NRG1: variants seen among roughly 807,000 people sequenced by gnomAD.
NRG1 encodes the protein neuregulin 1, also known as pro-neuregulin-1, membrane-bound isoform.
NRG1 carries 18 observed loss-of-function variants against 63.8 expected under a neutral mutation model. The observed-to-expected ratio is 0.28, with a 90% CI of 0.19 to 0.42. The LOEUF is 0.42. Ranked by LOEUF, NRG1 falls within the 10% of genes least tolerant of loss-of-function variation. The pLI is 1.00. For synonymous variants in NRG1, 302 were observed against 301.3 expected (o/e 1.00, Z -0.02); for missense variants, 762 against 814.7 (o/e 0.94, Z 0.79).
At chr8:32,342,165 C>G (rs1373456689) in intron 1 of NRG1, among the ~76,000 whole-genome samples, 2 of 152,032 alleles carry the variant, frequency 1.3e-5, no homozygotes, top group Non-Finnish European at 2.9e-5. Flanking sequence ...GTTAACTATC[C>G]AGAAACATGC....
At chr8:31,867,856 G>A (rs1829100041) in intron 1 of NRG1, among the ~76,000 whole-genome samples, 1 of 152,080 alleles carries the variant, frequency 6.6e-6, no homozygotes, top group African/African-American at 2.4e-5. Flanking sequence ...ATCTGTGTAT[G>A]TATTTTATAA....
At chr8:32,660,977 T>A (rs1180585168) in intron 5 of NRG1, among the ~76,000 whole-genome samples, 1 of 152,214 alleles carries the variant, frequency 6.6e-6, no homozygotes, top group East Asian at 1.9e-4. Flanking sequence ...TGCTACTATT[T>A]ATTTTGGTTT....
intron 1 of NRG1, among the ~76,000 whole-genome samples, chr8:32,587,738 C>T (rs2439294): frequency 0.95 from 143,840 of 152,178 alleles, 68,516 homozygotes; most frequent in East Asian, 1. Context: ...TCAATAAATT[C>T]AGAAATTTTG....
At chr8:31,760,613 C>A (rs1489244930) in intron 1 of NRG1, among the ~76,000 whole-genome samples, 1 of 149,856 alleles carries the variant, frequency 6.7e-6, no homozygotes, top group Non-Finnish European at 1.5e-5. Flanking sequence ...AAGAAAAAAA[C>A]AAACAACCCC....
At chr8:32,275,322 G>A (rs145719249) in intron 1 of NRG1, among the ~76,000 whole-genome samples, 42 of 152,186 alleles carry the variant, frequency 2.8e-4, no homozygotes, top group African/African-American at 9.6e-4. Flanking sequence ...AACACAAAAT[G>A]CTTGCTCTCA....
chr8:32,645,729 G>T (rs1424960003), intron 5 of NRG1, among the ~76,000 whole-genome samples: 3 of 152,144 alleles, frequency 2.0e-5, no homozygotes, highest in Admixed American at 1.3e-4. Context: ...TGAACAAAAT[G>T]GTTCCTTGGA....
chr8:32,723,071 T>C (rs1246878377), intron 5 of NRG1, among the ~76,000 whole-genome samples: 2 of 152,232 alleles, frequency 1.3e-5, no homozygotes, highest in Non-Finnish European at 2.9e-5. Context: ...ATTTATGTCA[T>C]TAGTAATAGT....
intron 1 of NRG1, among the ~76,000 whole-genome samples, chr8:31,645,063 A>G (rs1804162386): frequency 6.6e-6 from 1 of 152,150 alleles, no homozygotes; most frequent in South Asian, 2.1e-4. Context: ...CAATGTTCTT[A>G]TTTCCTAATC....
In NRG1 at chr8:31,640,483, G is replaced by A; in HGVS notation, c.37+1052G>A. 1 of 1,608,174 alleles carries A rather than the reference G, an allele frequency of 6.2e-7. No homozygotes were observed. Among genetic ancestry groups the A allele is most frequent in the Non-Finnish European group, 8.5e-7 (1 of 1,178,194 alleles). ...GCCCTATCTGGTGAAGGTGCACCAG[G>A]TGTGGGCGGTGAAAGCCGGGGGCTT... On this transcript the variant is annotated intron_variant, in intron 1 of 10. Coordinates refer to the NRG1 transcript ENST00000519301. The surrounding 1 kb of genome is among the most constrained non-coding windows in gnomAD (Gnocchi z 6.3).
In NRG1 at chr8:32,580,273, C is replaced by T. The variant is rs543995034; in HGVS notation, c.101-15555C>T. Among the ~76,000 whole-genome samples, 11 of 152,260 alleles carry T rather than the reference C, an allele frequency of 7.2e-5. No homozygotes were observed. The South Asian group carries it at 2.1e-3, about 29-fold the overall frequency. ...TTTGCTGTGTAAGGTAACATATTCA[C>T]AGGTTCTGGGGATCAGGATTTAGGA... On this transcript the variant is annotated intron_variant, in intron 1 of 11. Transcript: ENST00000356819.
intron 1 of NRG1, among the ~76,000 whole-genome samples, chr8:32,103,852 C>A (rs988745466): frequency 6.6e-6 from 1 of 152,142 alleles, no homozygotes; most frequent in Admixed American, 6.6e-5. Context: ...GGGTTGGAGG[C>A]GCAGGGCATC....
chr8:32,098,666 G>GT (rs959569239), intron 1 of NRG1: 2 of 152,140 alleles, frequency 1.3e-5, no homozygotes, highest in Non-Finnish European at 2.9e-5. Flanking sequence ...GTAACTCTCA[G>GT]TTTTTTCTTC....
At chr8:31,945,399 A>T (rs1802385803) in intron 1 of NRG1, among the ~76,000 whole-genome samples, 2 of 152,162 alleles carry the variant, frequency 1.3e-5, no homozygotes, top group African/African-American at 4.8e-5. Context: ...CTGTTATAAC[A>T]GGCTTCCTGT....
chr8:32,321,140 G>A (rs548128282), intron 1 of NRG1, among the ~76,000 whole-genome samples: 2 of 152,124 alleles, frequency 1.3e-5, no homozygotes, highest in African/African-American at 2.4e-5. Flanking sequence ...TACAACCCCC[G>A]TGAGATATAG....
At chr8:31,688,936 C>T (rs1429532628) in intron 1 of NRG1, among the ~76,000 whole-genome samples, 3 of 152,164 alleles carry the variant, frequency 2.0e-5, no homozygotes, top group Non-Finnish European at 4.4e-5. Context: ...GCTGTCTTCC[C>T]TTCTGGAGGT....
chr8:31,858,406 G>A (rs1057105269), intron 1 of NRG1, among the ~76,000 whole-genome samples: 1 of 152,142 alleles, frequency 6.6e-6, no homozygotes, highest in Non-Finnish European at 1.5e-5. Context: ...ATAAGTGGAT[G>A]CCTCATGAGC....
chr8:32,681,876 C>T (rs1040640300), intron 5 of NRG1, among the ~76,000 whole-genome samples: 1 of 152,060 alleles, frequency 6.6e-6, no homozygotes, highest in African/African-American at 2.4e-5. Flanking sequence ...AAATACTTGC[C>T]AGGAAGTAAA....
At chr8:32,347,542 A>G (rs1805067954) in intron 1 of NRG1, among the ~76,000 whole-genome samples, 1 of 152,188 alleles carries the variant, frequency 6.6e-6, no homozygotes, top group Non-Finnish European at 1.5e-5. Context: ...CTCATATAGT[A>G]ATGAAAGTAT....
At chr8:31,882,284 T>C (rs1313519492) in intron 1 of NRG1, among the ~76,000 whole-genome samples, 1 of 143,486 alleles carries the variant, frequency 7.0e-6, no homozygotes, top group Non-Finnish European at 1.5e-5. Flanking sequence ...TAGCATGATT[T>C]ACTGAAGATT....
Sources: allele counts gnomAD v4.1 joint callset (sites outside exome capture counted in the v4.1 genomes callset), GRCh38; gene constraint gnomAD v4.1.1; non-coding constraint Gnocchi (gnomAD v3.1); transcripts MANE v1.5; gene names NCBI Gene and HGNC (gene_info 2026-07-23, HGNC 2026-07-21).